The following ZNF385D variants were observed in gnomAD, a reference collection of about 807,000 sequenced individuals.
ZNF385D encodes the protein zinc finger protein 659.
ZNF385D carries 15 observed loss-of-function variants against 35.8 expected under a neutral mutation model. The observed-to-expected ratio is 0.42, with a 90% CI of 0.28 to 0.64. The LOEUF is 0.64. Among genes scored for constraint, ZNF385D ranks in the 30% least tolerant of loss-of-function variants. The pLI is 0.23. For missense variants in ZNF385D, 474 were observed against 494.6 expected, an observed-to-expected ratio of 0.96 and a Z score of 0.39; for synonymous variants, 212 against 186.8, an observed-to-expected ratio of 1.13 and a Z score of -1.10.
intron 4 of ZNF385D, among the ~76,000 whole-genome samples, chr3:21,489,826 G>T (rs1359134369): frequency 6.6e-6 from 1 of 152,112 alleles, no homozygotes; most frequent in Non-Finnish European, 1.5e-5. Flanking sequence ...GAAGCTCCTG[G>T]TTGGGTCAGA....
At chr3:22,211,420 G>C (rs1697515791) in intron 2 of ZNF385D, among the ~76,000 whole-genome samples, 1 of 151,914 alleles carries the variant, frequency 6.6e-6, no homozygotes, top group African/African-American at 2.4e-5. Flanking sequence ...CCTCACTGCA[G>C]AGGTCACAGA....
chr3:21,582,424 C>T (rs1161689530), intron 2 of ZNF385D, among the ~76,000 whole-genome samples: 1 of 152,092 alleles, frequency 6.6e-6, no homozygotes, highest in Admixed American at 6.5e-5. Context: ...TTTTTAATTC[C>T]CACCAAATTG....
chr3:21,811,949 G>A (rs528113291), intron 3 of ZNF385D, among the ~76,000 whole-genome samples: 7 of 152,230 alleles, frequency 4.6e-5, no homozygotes, highest in Non-Finnish European at 1.0e-4. Flanking sequence ...CAGACATTTT[G>A]TGCCTTCAAA....
intron 3 of ZNF385D, among the ~76,000 whole-genome samples, chr3:22,146,960 G>A (rs1704898481): frequency 6.6e-6 from 1 of 152,198 alleles, no homozygotes; most frequent in South Asian, 2.1e-4. Context: ...AGATAAAACA[G>A]AAAATAACAG....
intron 2 of ZNF385D, among the ~76,000 whole-genome samples, chr3:22,247,217 T>C (rs535691143): frequency 6.6e-6 from 1 of 152,278 alleles, no homozygotes; most frequent in African/African-American, 2.4e-5. Context: ...AGAATGTTGA[T>C]TATTTAATAT....
chr3:22,246,513 G>C (rs1699790703), intron 2 of ZNF385D, among the ~76,000 whole-genome samples: 1 of 152,084 alleles, frequency 6.6e-6, no homozygotes, highest in African/African-American at 2.4e-5. Context: ...GCCTTCTGAT[G>C]CACTTCAAAG....
intron 3 of ZNF385D, among the ~76,000 whole-genome samples, chr3:21,863,812 G>T (rs540710440): frequency 6.6e-6 from 1 of 152,148 alleles, no homozygotes; most frequent in Non-Finnish European, 1.5e-5. Flanking sequence ...CTCTATTAGT[G>T]TATCTGTGCA....
chr3:22,368,124 T>C (rs1696738337), intron 2 of ZNF385D, among the ~76,000 whole-genome samples: 1 of 152,212 alleles, frequency 6.6e-6, no homozygotes, highest in Non-Finnish European at 1.5e-5. Context: ...ACTGTCCCTA[T>C]GTGTTGCAAA....
intron 2 of ZNF385D, among the ~76,000 whole-genome samples, chr3:22,332,140 G>T (rs1206205320): frequency 6.6e-6 from 1 of 152,096 alleles, no homozygotes; most frequent in Non-Finnish European, 1.5e-5. Context: ...TTATTAAGAG[G>T]AGGCCTAACA....
intron 2 of ZNF385D, among the ~76,000 whole-genome samples, chr3:21,664,249 A>G (rs564608580): frequency 1.3e-5 from 2 of 152,260 alleles, no homozygotes; most frequent in African/African-American, 4.8e-5. Context: ...TTACAAAAAG[A>G]CGTCTTAAAA....
intron 3 of ZNF385D, among the ~76,000 whole-genome samples, chr3:21,769,091 G>T (rs1349952739): frequency 1.3e-5 from 2 of 151,912 alleles, no homozygotes; most frequent in African/African-American, 2.4e-5. Flanking sequence ...GTTGAATTTT[G>T]TCAAAGGCCC....
In ZNF385D at chr3:21,437,209, T is replaced by C; in HGVS notation, c.440-6A>G. On this transcript the variant is annotated splice_polypyrimidine_tract_variant and splice_region_variant and intron_variant, in intron 4 of 7. Coordinates refer to ENST00000281523, the MANE Select transcript of ZNF385D (RefSeq NM_024697.3). ...TGGTGTCCCTGCAGTACCGTCTGTA[T>C]TCAAAATAACACAGAAAAAAGGGGG... 2 of 1,607,780 alleles carry C rather than the reference T, an allele frequency of 1.2e-6. No homozygotes were observed. The highest frequency in any genetic ancestry group is 1.7e-6 in the Non-Finnish European group (2 of 1,176,798).
At chr3:21,976,285 T>C (rs908422248) in intron 3 of ZNF385D, among the ~76,000 whole-genome samples, 46 of 151,914 alleles carry the variant, frequency 3.0e-4, no homozygotes, top group Non-Finnish European at 8.8e-5. Context: ...GAAGAAAAAA[T>C]AGACAACAGA....
intron 2 of ZNF385D, among the ~76,000 whole-genome samples, chr3:21,600,802 T>C (rs1406130517): frequency 2.0e-5 from 3 of 151,836 alleles, no homozygotes; most frequent in Admixed American, 2.0e-4. Flanking sequence ...GAAAAAAAGC[T>C]CTGAGAAATT....
chr3:21,867,939 C>T (rs1259778861), intron 3 of ZNF385D, among the ~76,000 whole-genome samples: 4 of 152,068 alleles, frequency 2.6e-5, no homozygotes, highest in African/African-American at 4.8e-5. Flanking sequence ...ATTTACACAA[C>T]CACATATGGG....
intron 3 of ZNF385D, among the ~76,000 whole-genome samples, chr3:22,073,527 A>C (rs2125567189): frequency 6.6e-6 from 1 of 152,056 alleles, no homozygotes; most frequent in South Asian, 2.1e-4. Context: ...ATACACAACA[A>C]CCTTTCTAGG....
chr3:22,222,775 TC>T (rs2125282876), intron 2 of ZNF385D, among the ~76,000 whole-genome samples: 1 of 152,336 alleles, frequency 6.6e-6, no homozygotes, highest in East Asian at 1.9e-4. Flanking sequence ...TATTATTAGA[TC>T]ACTTAGAATA....
rs147051052 is a variant in ZNF385D at position 21,573,747 on chromosome 3, A to G, written c.166-9063T>C. ...ACAAAGAAAGTAGGAAGTTAGAATC[A>G]TATCACTTTATAACTCTTAAAGAAA... On this transcript the variant is annotated intron_variant, in intron 2 of 7. Transcript: ENST00000281523. Among the ~76,000 whole-genome samples the G allele has an allele frequency of 1.6e-3, 245 of 152,260 alleles. 1 individual carries two copies. Among genetic ancestry groups the G allele is most frequent in the African/African-American group, 5.6e-3 (232 of 41,560 alleles).
chr3:22,219,786 C>T (rs1230565703), intron 2 of ZNF385D, among the ~76,000 whole-genome samples: 2 of 152,070 alleles, frequency 1.3e-5, no homozygotes, highest in African/African-American at 4.8e-5. Flanking sequence ...AGTCTTGGAT[C>T]AGTTTAAGTA....
Sources: gnomAD v4.1 joint callset for allele counts (sites outside exome capture counted in the v4.1 genomes callset) on GRCh38, gnomAD v4.1.1 for gene constraint, MANE v1.5 for transcripts, NCBI Gene and HGNC (gene_info 2026-07-23, HGNC 2026-07-21) for gene names.